NEK2: variants seen among roughly 807,000 people sequenced by gnomAD.
The protein encoded by NEK2 is NIMA related kinase 2, also known as serine/threonine-protein kinase Nek2.
In NEK2, 28 loss-of-function variants were observed where a neutral mutation model predicts 54.1. The ratio of observed to expected loss-of-function variants is 0.52; its 90% CI spans 0.38 to 0.71. NEK2 has a LOEUF of 0.71. Ranked by LOEUF, NEK2 falls within the 30% of genes least tolerant of loss-of-function variation. The pLI, the probability that NEK2 is intolerant of heterozygous loss-of-function variation, is 0.00. For synonymous variants in NEK2, 176 were observed against 193.1 expected (o/e 0.91, Z 0.73); for missense variants, 407 against 531.5 (o/e 0.77, Z 2.30).
chr1:211,667,163 A>G lies in NEK2; in HGVS notation c.1054T>C (p.Leu352=). 1.2e-6 allele frequency: 2 copies of G among 1,613,760 alleles called. No homozygotes were observed. Among genetic ancestry groups the G allele is most frequent in the Non-Finnish European group, 1.7e-6 (2 of 1,179,820 alleles). The change falls in exon 7 of 8, where the codon TTG becomes CTG. Residue 352 remains leucine (L), a synonymous_variant. Transcript: ENST00000366999. ...TCCTTTAGCAAGCTGTAGTTCTTCA[A>G]CAGATTTTCTGCTCTAGCCAGTTTG... ...EDKLARAENL[L]KNYSLLKERK...
rs373600216 is a variant in NEK2, at chr1:211,670,441, A to T, written c.639-34T>A. ...AAAAAAGAAGAAGAAGACGACGAAG[A>T]CATTTTCAAATTGTAAAAATGAAAA... On this transcript the variant is annotated intron_variant, in intron 4 of 7. Coordinates refer to ENST00000366999, the MANE Select transcript of NEK2 (RefSeq NM_002497.4). 3 of 1,587,758 alleles carry T rather than the reference A, an allele frequency of 1.9e-6. No individual in the cohort carries two copies. The African/African-American group carries it at 4.1e-5, about 22-fold the overall frequency.
intron 3 of NEK2, among the ~76,000 whole-genome samples, chr1:211,673,179 T>A (rs1418442403): frequency 1.3e-5 from 2 of 151,972 alleles, no homozygotes; most frequent in Non-Finnish European, 2.9e-5. Flanking sequence ...GAGACTGAGG[T>A]GAGCAGATCG....
rs1395750465 is a variant in NEK2 at position 211,675,354 on chromosome 1, G to C, written c.96+30C>G. On this transcript the variant is annotated intron_variant, in intron 1 of 7. Transcript: ENST00000366999. ...CCCCGAGGCGACGAAACCTAAGCAG[G>C]GGCAGGCGCAGGGTAGGTCCCACGC... 5.0e-6 allele frequency: 8 copies of C among 1,602,750 alleles called. No individual in the cohort carries two copies. In the South Asian group the frequency reaches 8.8e-5, roughly 18 times the overall value.
At chr1:211,667,400 T>C (rs556862293) in intron 6 of NEK2, among the ~76,000 whole-genome samples, 169 bp from the exon 7 acceptor site, 4 of 152,364 alleles carry the variant, frequency 2.6e-5, no homozygotes, top group East Asian at 1.9e-4. Flanking sequence ...TAGTTTTTAA[T>C]TGAGTGTTTT....
At position 211,669,291 on chromosome 1, in the gene NEK2, AG is replaced by A; in HGVS notation, c.806del (p.Pro269LeufsTer2). On this transcript the variant is annotated frameshift_variant, in exon 6 of 8. Transcript: ENST00000366999. LOFTEE classifies it high-confidence loss of function. ...CGTCTGCAACCAAATCTGCTATTAA[AG>A]GGTTCTCAAGAATTTCTTCAACAGA... ...RPSVEEILEN[P>X]LIADLVADEQ... 1 of 1,614,168 alleles carries A rather than the reference AG, an allele frequency of 6.2e-7. No individual in the cohort carries two copies. Among genetic ancestry groups the A allele is most frequent in the South Asian group, 1.1e-5 (1 of 91,086 alleles).
chr1:211,661,071 C>T (rs1459630208), downstream of NEK2: 2 of 742,744 alleles, frequency 2.7e-6, no homozygotes, highest in African/African-American at 3.4e-5. Flanking sequence ...ACCGTCAAAC[C>T]CCGGTGATAA....
intron 7 of NEK2, among the ~76,000 whole-genome samples, chr1:211,665,048 A>T (rs1478194840): frequency 1.3e-5 from 2 of 152,276 alleles, no homozygotes; most frequent in Non-Finnish European, 2.9e-5. Context: ...AAACATTTTT[A>T]AAATTCTTCC....
chr1:211,661,186 G>A (rs879020432), downstream of NEK2: 7 of 733,714 alleles, frequency 9.5e-6, no homozygotes, highest in Admixed American at 1.8e-5. Flanking sequence ...CTAACAATCC[G>A]GGAGAAGTGC....
Position 211,673,603 on chromosome 1 carries a change from G to T in NEK2, c.435C>A (p.Ala145=), listed in dbSNP as rs755428948. Residue 145 remains alanine, a synonymous_variant, in exon 3 of 8, where the codon GCC becomes GCA. Coordinates refer to ENST00000366999, the MANE Select transcript of NEK2 (RefSeq NM_002497.4). The part of the protein sequence containing the change: ...HTVLHRDLKP[A]NVFLDGKQNV... ...TTTGCTTGCCATCCAGGAAAACATT[G>T]GCTGGTTTCAGATCCCGATGCAATA... The T allele has an allele frequency of 6.2e-7, 1 of 1,614,124 alleles. No homozygotes were observed. The highest frequency in any genetic ancestry group is 1.1e-5 in the South Asian group (1 of 91,080).
At chr1:211,658,910 T>G (rs1654949892), downstream of NEK2, among the ~76,000 whole-genome samples, 1 of 152,120 alleles carries the variant, frequency 6.6e-6, no homozygotes, top group African/African-American at 2.4e-5. Flanking sequence ...GGGTCACTAC[T>G]GCATATGCAG....
chr1:211,665,586 C>T (rs913771357), intron 7 of NEK2, among the ~76,000 whole-genome samples: 3 of 152,084 alleles, frequency 2.0e-5, no homozygotes, highest in Admixed American at 6.5e-5. Flanking sequence ...TTTTATCACC[C>T]TAATCATGAT....
chr1:211,670,714 A>T (rs917878180), intron 4 of NEK2, among the ~76,000 whole-genome samples: 1 of 152,246 alleles, frequency 6.6e-6, no homozygotes, highest in African/African-American at 2.4e-5. Flanking sequence ...TCCAAACATC[A>T]TCAAATGCCC....
At chr1:211,668,432 A>G (rs1314192977) in intron 6 of NEK2, among the ~76,000 whole-genome samples, 1 of 152,214 alleles carries the variant, frequency 6.6e-6, no homozygotes, top group African/African-American at 2.4e-5. Flanking sequence ...CAATGTTAAT[A>G]CCCACCAGAG....
rs751538765 is a variant in NEK2, at chr1:211,670,243, A to T, written c.765+38T>A. On this transcript the variant is annotated intron_variant, in intron 5 of 7. Coordinates refer to ENST00000366999, the MANE Select transcript of NEK2 (RefSeq NM_002497.4). ...ATGTATGCTCTGACACTTAACTGAC[A>T]GCTAGAAACAGACAATATATCATCT... 4 of 1,577,652 alleles carry T rather than the reference A, an allele frequency of 2.5e-6. No individual in the cohort carries two copies. The South Asian group carries it at 4.6e-5, about 18-fold the overall frequency.
chr1:211,663,039 T>C lies in NEK2; in HGVS notation c.*387A>G. 1.0e-6 allele frequency: 1 copy of C among 999,154 alleles called. No homozygotes were observed. The highest frequency in any genetic ancestry group is 1.2e-6 in the Non-Finnish European group (1 of 837,790). 61.9% of individuals were successfully genotyped at this position (999,154 alleles called of 1,614,324 possible). On this transcript the variant is annotated 3_prime_UTR_variant, in exon 8 of 8. Coordinates refer to ENST00000366999, the MANE Select transcript of NEK2 (RefSeq NM_002497.4). ...TAAAATTTAAATCTAGACATGACAA[T>C]TGTAAGCATACCACTCAGTCATTTA...
chr1:211,663,032 A>G lies in NEK2; in HGVS notation c.*394T>C, dbSNP rs374796719. 2.3e-4 allele frequency: 232 copies of G among 994,942 alleles called. 1 individual carries two copies. The African/African-American group carries it at 3.8e-3, about 16-fold the overall frequency. The allele number at this position is 994,942 out of a possible 1,614,324, so 61.6% of individuals were successfully genotyped here. A position where few individuals can be genotyped will look rare whatever the true frequency, so the allele number is the denominator to read the frequency against. ...TCAGACTTAAAATTTAAATCTAGAC[A>G]TGACAATTGTAAGCATACCACTCAG... is the stretch of plus-strand genomic sequence containing the variant. On this transcript the variant is annotated 3_prime_UTR_variant, in exon 8 of 8. Coordinates refer to ENST00000366999, the MANE Select transcript of NEK2 (RefSeq NM_002497.4).
chr1:211,670,591 A>G (rs1159540975), intron 4 of NEK2, among the ~76,000 whole-genome samples, 184 bp from the exon 5 acceptor site: 1 of 152,208 alleles, frequency 6.6e-6, no homozygotes, highest in Non-Finnish European at 1.5e-5. Context: ...TTGAGGTCAT[A>G]TAATTCTTTG....
chr1:211,674,929 T>C (rs1655530507), intron 1 of NEK2, among the ~76,000 whole-genome samples: 1 of 152,218 alleles, frequency 6.6e-6, no homozygotes, highest in South Asian at 2.1e-4. Context: ...CCAATGTTAC[T>C]TTCTGTAAAA....
chr1:211,667,811 C>T (rs369552120), intron 6 of NEK2, among the ~76,000 whole-genome samples: 7 of 151,944 alleles, frequency 4.6e-5, no homozygotes, highest in East Asian at 1.9e-4. Context: ...TTTGGGAGGC[C>T]GAGGCAGGTG....
Sources: gnomAD v4.1 joint callset for allele counts (sites outside exome capture counted in the v4.1 genomes callset) on GRCh38, gnomAD v4.1.1 for gene constraint, MANE v1.5 for transcripts, NCBI Gene and HGNC (gene_info 2026-07-23, HGNC 2026-07-21) for gene names.